NPHS1: variants seen among roughly 807,000 people sequenced by gnomAD.
NPHS1 encodes the protein nephrin.
In NPHS1, 107 loss-of-function variants were observed where a neutral mutation model predicts 139.7. That is an observed-to-expected ratio of 0.77 (90% CI 0.66 to 0.90). The LOEUF (loss-of-function observed/expected upper bound fraction) is 0.90. Among genes scored for constraint, NPHS1 ranks in the 40% least tolerant of loss-of-function variants. The pLI is 0.00. For missense variants in NPHS1, 1,580 were observed against 1,654.2 expected, an observed-to-expected ratio of 0.96 and a Z score of 0.78; for synonymous variants, 707 against 706.6, an observed-to-expected ratio of 1.00 and a Z score of -0.01.
In NPHS1 at chr19:35,835,904, T is replaced by C. The variant is rs370079929; in HGVS notation, c.3110-143A>G. On this transcript the variant is annotated intron_variant, in intron 22 of 28. Coordinates refer to ENST00000378910, the MANE Select transcript of NPHS1 (RefSeq NM_004646.4). ...AGAATATTTCAAAGAGAGCTAGAAATTGCTGATAATAATGACAATACTATT... is the reference window on the plus strand; with the variant it reads ...AGAATATTTCAAAGAGAGCTAGAAACTGCTGATAATAATGACAATACTATT... 3.0e-5 allele frequency: 21 copies of C among 699,094 alleles called. No individual in the cohort carries two copies. In the African/African-American group the frequency reaches 3.2e-4, roughly 11 times the overall value. The allele number at this position is 699,094 out of a possible 1,614,324, so 43.3% of individuals were successfully genotyped here. A position where few individuals can be genotyped will look rare whatever the true frequency, so the allele number is the denominator to read the frequency against.
At chr19:35,849,805 T>C in intron 5 of NPHS1, 152 bp from the exon 6 acceptor site, 2 of 699,772 alleles carry the variant, frequency 2.9e-6, no homozygotes, top group Non-Finnish European at 5.1e-6. Flanking sequence ...ATGGGAGAGA[T>C]TTTGGGGGTG....
intron 22 of NPHS1, among the ~76,000 whole-genome samples, chr19:35,837,971 T>G (rs1415391819): frequency 2.2e-5 from 3 of 136,470 alleles, no homozygotes; most frequent in Non-Finnish European, 3.1e-5. Context: ...CGAAAACTAG[T>G]CCAGTCGTGG....
intron 28 of NPHS1, among the ~76,000 whole-genome samples, chr19:35,827,516 T>A (rs979240761): frequency 6.6e-6 from 1 of 152,084 alleles, no homozygotes; most frequent in African/African-American, 2.4e-5. Context: ...GTCAATTGAT[T>A]TCTCTGTATT....
chr19:35,835,618 G>A, intron 23 of NPHS1, 87 bp downstream of exon 23: 1 of 1,210,056 alleles, frequency 8.3e-7, no homozygotes, highest in Non-Finnish European at 1.2e-6. Context: ...TTAAGCAGCT[G>A]TGACTACAAG....
intron 28 of NPHS1, among the ~76,000 whole-genome samples, chr19:35,830,079 C>T (rs956154500): frequency 1.1e-4 from 16 of 152,206 alleles, no homozygotes; most frequent in African/African-American, 3.4e-4. Flanking sequence ...CTCTCTTTAA[C>T]CAGTGGAGTA....
rs569271470 is a variant in NPHS1 at position 35,845,207 on chromosome 19, C to G, written c.1930+161G>C. ...ATCACTTGAGCTCAGGAGTTGGAGA[C>G]TGCAGTGACCTATGATTGCGTCACT... is the stretch of plus-strand genomic sequence containing the variant. On this transcript the variant is annotated intron_variant, in intron 14 of 28. Transcript: ENST00000378910. The surrounding 1 kb of genome is among the most constrained non-coding windows in gnomAD (Gnocchi z 5.5). Among the ~76,000 whole-genome samples, 1 of 152,008 alleles carries G rather than the reference C, an allele frequency of 6.6e-6. No individual in the cohort carries two copies. Among genetic ancestry groups the G allele is most frequent in the Non-Finnish European group, 1.5e-5 (1 of 68,014 alleles).
Position 35,842,556 on chromosome 19 carries a change from G to A in NPHS1, c.2335-6C>T, listed in dbSNP as rs1475538004. Reference sequence around the variant, plus strand: ...TGGTCCTCCTCATCTTCTCCCTGGAGGCCCAAGAGTCCAGAATTGGCCTCC... The same window carrying A: ...TGGTCCTCCTCATCTTCTCCCTGGAAGCCCAAGAGTCCAGAATTGGCCTCC... On this transcript the variant is annotated splice_polypyrimidine_tract_variant and splice_region_variant and intron_variant, in intron 17 of 28. Transcript: ENST00000378910. 1 of 1,613,778 alleles carries A rather than the reference G, an allele frequency of 6.2e-7. No individual in the cohort carries two copies. The highest frequency in any genetic ancestry group is 1.3e-5 in the African/African-American group (1 of 74,858).
rs1301989113 is a variant in NPHS1, at chr19:35,849,668, C to A, written c.609-15G>T. 1.3e-6 allele frequency: 2 copies of A among 1,595,088 alleles called. No homozygotes were observed. The highest frequency in any genetic ancestry group is 1.7e-5 in the Admixed American group (1 of 59,994). On this transcript the variant is annotated splice_polypyrimidine_tract_variant and intron_variant, in intron 5 of 28. Coordinates refer to ENST00000378910, the MANE Select transcript of NPHS1 (RefSeq NM_004646.4). The stretch of plus-strand genomic sequence containing the variant: ...GGGGTGTCACCCTGGGATGAGAAGT[C>A]AGGGTTATAGAGTCAGAGTCATCAT...
intron 23 of NPHS1, among the ~76,000 whole-genome samples, chr19:35,832,886 CAAAAAAA>C (rs748346116): frequency 2.2e-5 from 1 of 45,422 alleles, no homozygotes; most frequent in African/African-American, 8.5e-5. Context: ...GACCCTGTCT[CAAAAAAA>C]AAAAAAAAAA....
chr19:35,849,419 C>T lies in NPHS1; in HGVS notation c.713-56G>A, dbSNP rs200939316. 106 of 1,601,050 alleles carry T rather than the reference C, an allele frequency of 6.6e-5. 1 individual carries two copies. Among genetic ancestry groups the T allele is most frequent in the Middle Eastern group, 2.0e-4 (1 of 4,980 alleles). On this transcript the variant is annotated intron_variant, in intron 6 of 28. Coordinates refer to ENST00000378910, the MANE Select transcript of NPHS1 (RefSeq NM_004646.4). ...GAGTAGCCCATCCACTCTTTCCAGG[C>T]CCCACAACCTGCCTTTGAACCCCCA...
chr19:35,841,190 T>G (rs1484870453), intron 20 of NPHS1, among the ~76,000 whole-genome samples: 1 of 151,244 alleles, frequency 6.6e-6, no homozygotes, highest in African/African-American at 2.4e-5. Context: ...CTGGCCAACA[T>G]GGTGAAACCC....
chr19:35,845,955 C>T lies in NPHS1; in HGVS notation c.1627+53G>A. 1 of 1,539,746 alleles carries T rather than the reference C, an allele frequency of 6.5e-7. No individual in the cohort carries two copies. Among genetic ancestry groups the T allele is most frequent in the Admixed American group, 2.0e-5 (1 of 50,852 alleles). On this transcript the variant is annotated intron_variant, in intron 12 of 28. Transcript: ENST00000378910. The surrounding 1 kb of genome is among the most constrained non-coding windows in gnomAD (Gnocchi z 5.5). ...AGGGTTCGCTGGGTCCCTGCCCCAC[C>T]TGGCTCTGTCCCTCCCGCCCCGCCC...
rs1260192655 is a variant in NPHS1 at position 35,848,125 on chromosome 19, G to A, written c.1356C>T (p.Gly452=). ...QKLWIEGPPE[G]QKLRAGTRVR... ...CCCGGGTCCCAGCCCGGAGCTTCTGGCCCTCTGGGGGACCCTCAATCCACA... is the reference window on the plus strand; with the variant it reads ...CCCGGGTCCCAGCCCGGAGCTTCTGACCCTCTGGGGGACCCTCAATCCACA... Residue 452 remains glycine, a synonymous_variant, in exon 11 of 29, where the codon GGC becomes GGT. Coordinates refer to ENST00000378910, the MANE Select transcript of NPHS1 (RefSeq NM_004646.4). The A allele has an allele frequency of 1.2e-6, 2 of 1,614,036 alleles. No homozygotes were observed. The highest frequency in any genetic ancestry group is 2.2e-5 in the East Asian group (1 of 44,882).
At chr19:35,849,994 C>T (rs911272178) in intron 5 of NPHS1, among the ~76,000 whole-genome samples, 2 of 152,190 alleles carry the variant, frequency 1.3e-5, no homozygotes, top group Admixed American at 1.3e-4. Context: ...CAGCTCACTG[C>T]AACCTCCACT....
intron 23 of NPHS1, 142 bp from the exon 24 acceptor site, chr19:35,831,904 C>T (rs991809453): frequency 9.4e-6 from 8 of 853,762 alleles, no homozygotes; most frequent in Non-Finnish European, 1.3e-5. Flanking sequence ...TGTGCCCACC[C>T]TTTCTGCCCA....
At chr19:35,833,482 G>A (rs918722457) in intron 23 of NPHS1, among the ~76,000 whole-genome samples, 18 of 152,140 alleles carry the variant, frequency 1.2e-4, no homozygotes, top group South Asian at 4.1e-4. Context: ...TTGACCCAAC[G>A]TGTGTTTTTA....
chr19:35,828,436 T>C (rs1437059998), intron 28 of NPHS1, among the ~76,000 whole-genome samples: 2 of 152,154 alleles, frequency 1.3e-5, no homozygotes, highest in Non-Finnish European at 1.5e-5. Flanking sequence ...GGCTAACTTT[T>C]TGTATTTTTA....
At chr19:35,842,613 T>C (rs1011728307) in intron 17 of NPHS1, 63 bp from the exon 18 acceptor site, 8 of 1,544,376 alleles carry the variant, frequency 5.2e-6, no homozygotes, top group Middle Eastern at 1.7e-4. Flanking sequence ...ACTGCCCAAA[T>C]TGTCCCTTCT....
In NPHS1 at chr19:35,844,403, C is replaced by A; in HGVS notation, c.1987G>T (p.Glu663Ter). The A allele has an allele frequency of 6.2e-7, 1 of 1,609,126 alleles. No individual in the cohort carries two copies. The highest frequency in any genetic ancestry group is 1.1e-5 in the South Asian group (1 of 90,266). ...VLVVTAVEQG[E>*]ALLPVSVSAN... ...GACACGGACACGGGCAGCAACGCCT[C>A]GCCCTGCTCCACCGCGGTCACCACC... The change falls in exon 15 of 29, where the codon GAG (glutamate) becomes TAG (stop). Residue 663 changes from glutamate (E) to a stop codon, truncating the protein, a stop_gained. Transcript: ENST00000378910. LOFTEE classifies it high-confidence loss of function.
Sources: gnomAD v4.1 joint callset for allele counts (sites outside exome capture counted in the v4.1 genomes callset) on GRCh38, gnomAD v4.1.1 for gene constraint, Gnocchi (gnomAD v3.1) non-coding constraint, MANE v1.5 for transcripts, NCBI Gene and HGNC (gene_info 2026-07-23, HGNC 2026-07-21) for gene names.